Variants in CBFA2T3 observed in about 807,000 individuals in gnomAD.
CBFA2T3 encodes CBFA2/RUNX1 partner transcriptional co-repressor 3, also known as transcriptional corepressor CBFA2T3.
A neutral mutation model predicts 58.6 loss-of-function variants in CBFA2T3; 31 were observed. That is an observed-to-expected ratio of 0.53 (90% confidence interval 0.40 to 0.71). CBFA2T3 has a LOEUF of 0.71. Ranked by LOEUF, CBFA2T3 falls within the 30% of genes least tolerant of loss-of-function variation. The pLI, the probability that CBFA2T3 is intolerant of heterozygous loss-of-function variation, is 0.00. For synonymous variants in CBFA2T3, 531 were observed against 421.9 expected, an observed-to-expected ratio of 1.26 and a Z score of -3.17; for missense variants, 1,076 against 963.1, an observed-to-expected ratio of 1.12 and a Z score of -1.55.
intron 5 of CBFA2T3, among the ~76,000 whole-genome samples, chr16:88,888,753 G>C (rs191640794): frequency 7.2e-5 from 11 of 151,888 alleles, no homozygotes; most frequent in Admixed American, 7.2e-4. Flanking sequence ...CCCCCTAGAA[G>C]CGCCATGTCA....
At chr16:88,912,438 C>T (rs1014981239) in intron 1 of CBFA2T3, among the ~76,000 whole-genome samples, 1 of 152,318 alleles carries the variant, frequency 6.6e-6, no homozygotes, top group Non-Finnish European at 1.5e-5. Context: ...GGCCTTGGCT[C>T]CTACTGGAAT....
intron 1 of CBFA2T3, chr16:88,937,794 G>A (rs1259044251): frequency 1.3e-5 from 2 of 152,316 alleles, no homozygotes; most frequent in African/African-American, 4.8e-5. Context: ...AGCACTGGAG[G>A]ACAGGCACTT....
rs550627453 is a variant in CBFA2T3, at chr16:88,921,110, G to A, written c.152-19454C>T. On this transcript the variant is annotated intron_variant, in intron 1 of 11. Coordinates refer to ENST00000268679, the MANE Select transcript of CBFA2T3 (RefSeq NM_005187.6). ...AAGGCCTGCCCGGCTCTCACAGGGC[G>A]GAGGCCTGGGGCAAGGGAGACCAAG... Among the ~76,000 whole-genome samples the A allele has an allele frequency of 9.6e-4, 147 of 152,372 alleles. 1 individual carries two copies. The highest frequency in any genetic ancestry group is 3.4e-3 in the African/African-American group (142 of 41,594).
intron 1 of CBFA2T3, among the ~76,000 whole-genome samples, chr16:88,920,346 G>A (rs1301299715): frequency 1.3e-5 from 2 of 152,062 alleles, no homozygotes; most frequent in South Asian, 2.1e-4. Flanking sequence ...GCATGATCTC[G>A]CCTCACTGCA....
At position 88,966,919 on chromosome 16, in the gene CBFA2T3, A is replaced by C. The variant is rs139097760; in HGVS notation, c.151+9738T>G. On this transcript the variant is annotated intron_variant, in intron 1 of 11. Coordinates refer to ENST00000268679, the MANE Select transcript of CBFA2T3 (RefSeq NM_005187.6). The stretch of plus-strand genomic sequence containing the variant: ...CCACCCTGGACTCTGGAAGCCCAGG[A>C]TGAGAACTTCGTATCACACTCTAGT... Among the ~76,000 whole-genome samples the C allele has an allele frequency of 1.2e-4, 19 of 152,302 alleles. No individual in the cohort carries two copies. In the East Asian group the frequency reaches 3.7e-3, roughly 29 times the overall value.
chr16:88,968,820 C>T (rs372373221), intron 1 of CBFA2T3, among the ~76,000 whole-genome samples: 36 of 152,250 alleles, frequency 2.4e-4, no homozygotes, highest in African/African-American at 7.5e-4. Flanking sequence ...GAGGGGTGTG[C>T]GGTCAGCGGG....
rs191294915 is a variant in CBFA2T3, at chr16:88,920,609, C to G, written c.152-18953G>C. Among the ~76,000 whole-genome samples, 1,389 of 152,340 alleles carry G rather than the reference C, an allele frequency of 9.1e-3. 32 individuals are homozygous for G. Among genetic ancestry groups the G allele is most frequent in the African/African-American group, 0.032 (1,331 of 41,572 alleles). ...CAGGAATATTTCATCTTAATTAATTCAAACTCCAACGGCCACAGGTGGTGC... is the reference window on the plus strand; with the variant it reads ...CAGGAATATTTCATCTTAATTAATTGAAACTCCAACGGCCACAGGTGGTGC... On this transcript the variant is annotated intron_variant, in intron 1 of 11. Coordinates refer to ENST00000268679, the MANE Select transcript of CBFA2T3 (RefSeq NM_005187.6).
chr16:88,904,624 C>A (rs1033548570), intron 1 of CBFA2T3, among the ~76,000 whole-genome samples: 1 of 152,228 alleles, frequency 6.6e-6, no homozygotes, highest in Non-Finnish European at 1.5e-5. Context: ...TGAGGAACAC[C>A]CTGGGAGCTG....
At chr16:88,934,276 A>G (rs1280342773) in intron 1 of CBFA2T3, among the ~76,000 whole-genome samples, 2 of 148,600 alleles carry the variant, frequency 1.3e-5, no homozygotes, top group Non-Finnish European at 2.9e-5. Flanking sequence ...GCTGCCCCAC[A>G]GTGGCTGCTC....
intron 1 of CBFA2T3, among the ~76,000 whole-genome samples, chr16:88,945,125 A>T (rs1377190637): frequency 1.3e-5 from 2 of 152,254 alleles, no homozygotes; most frequent in Non-Finnish European, 2.9e-5. Flanking sequence ...AGGTATAGAT[A>T]TTTAAAAATA....
chr16:88,896,064 C>T (rs549988017), intron 3 of CBFA2T3, among the ~76,000 whole-genome samples: 2 of 152,176 alleles, frequency 1.3e-5, no homozygotes, highest in Admixed American at 1.3e-4. Flanking sequence ...AGTCAGCCCC[C>T]CAGGGTTGCT....
intron 1 of CBFA2T3, chr16:88,941,163 C>G (rs1205479290): frequency 1.0e-6 from 1 of 982,588 alleles, no homozygotes; most frequent in Non-Finnish European, 1.2e-6. Flanking sequence ...GCACCGGGCT[C>G]AGGCGCGCGG....
intron 1 of CBFA2T3, among the ~76,000 whole-genome samples, chr16:88,942,126 A>G (rs1265397221): frequency 2.6e-5 from 4 of 152,058 alleles, no homozygotes; most frequent in African/African-American, 9.7e-5. Flanking sequence ...CCACCTGCAG[A>G]AACGCCCCGA....
chr16:88,916,200 G>C (rs552832253), intron 1 of CBFA2T3, among the ~76,000 whole-genome samples: 1 of 151,212 alleles, frequency 6.6e-6, no homozygotes, highest in African/African-American at 2.5e-5. Flanking sequence ...GTGTGTGTCC[G>C]TGTACATGCA....
At chr16:88,912,680 G>A (rs916424315) in intron 1 of CBFA2T3, among the ~76,000 whole-genome samples, 3 of 152,212 alleles carry the variant, frequency 2.0e-5, no homozygotes, top group Admixed American at 1.3e-4. Flanking sequence ...CCTGGCACAC[G>A]GCAGGGCCCC....
At chr16:88,881,866 A>G (rs745378892) in intron 8 of CBFA2T3, among the ~76,000 whole-genome samples, 1 of 152,180 alleles carries the variant, frequency 6.6e-6, no homozygotes, top group Non-Finnish European at 1.5e-5. Flanking sequence ...TGCTGGCCCC[A>G]TGCCTGGCGA....
intron 1 of CBFA2T3, among the ~76,000 whole-genome samples, chr16:88,942,019 C>A (rs1456428963): frequency 6.6e-6 from 1 of 151,890 alleles, no homozygotes; most frequent in Non-Finnish European, 1.5e-5. Flanking sequence ...CTCAGCCTCC[C>A]GGGCGGGTCC....
chr16:88,901,620 G>C lies in CBFA2T3; in HGVS notation c.188C>G (p.Pro63Arg). The C allele has an allele frequency of 6.5e-7, 1 of 1,526,804 alleles. No homozygotes were observed. Among genetic ancestry groups the C allele is most frequent in the Non-Finnish European group, 8.7e-7 (1 of 1,149,210 alleles). 94.6% of individuals were successfully genotyped at this position (1,526,804 alleles called of 1,614,324 possible). A position where few individuals can be genotyped will look rare whatever the true frequency, so the allele number is the denominator to read the frequency against. The part of the protein sequence containing the change: ...VDRKAKASAM[P>R]DSPAEVKTQP... ...CGTCTTCACCTCCGCTGGGGAGTCC[G>C]GCATCGCTGAGGCCTTAGCTTTCCT... The change falls in exon 2 of 12, where the codon CCG (proline) becomes CGG (arginine). Residue 63 changes from proline (P) to arginine (R), a missense_variant. Coordinates refer to ENST00000268679, the MANE Select transcript of CBFA2T3 (RefSeq NM_005187.6).
chr16:88,941,848 A>G (rs1165505905), intron 1 of CBFA2T3: 5 of 48,758 alleles, frequency 1.0e-4, no homozygotes, highest in African/African-American at 2.8e-4. Flanking sequence ...GCTGAACGGG[A>G]GTTGGGGGGT....
Sources: allele counts gnomAD v4.1 joint callset (sites outside exome capture counted in the v4.1 genomes callset), GRCh38; gene constraint gnomAD v4.1.1; transcripts MANE v1.5; gene names NCBI Gene and HGNC (gene_info 2026-07-23, HGNC 2026-07-21).